Variants in PARD3B observed in about 807,000 individuals in gnomAD.
The protein encoded by PARD3B is par-3 family cell polarity regulator beta, also known as partitioning defective 3 homolog B.
PARD3B carries 103 observed loss-of-function variants against 130.2 expected under a neutral mutation model. The observed-to-expected ratio is 0.79, with a 90% CI of 0.67 to 0.93. PARD3B has a LOEUF of 0.93. PARD3B is among the 40% of genes least tolerant of loss of function. The pLI is 0.00. For synonymous variants in PARD3B, 583 were observed against 553.2 expected, an observed-to-expected ratio of 1.05 and a Z score of -0.76; for missense variants, 1,609 against 1,499.2, an observed-to-expected ratio of 1.07 and a Z score of -1.21.
At chr2:204,911,500 A>T (rs2125725564) in intron 2 of PARD3B, among the ~76,000 whole-genome samples, 1 of 152,326 alleles carries the variant, frequency 6.6e-6, no homozygotes, top group South Asian at 2.1e-4. Flanking sequence ...ATCTTCAATA[A>T]TATGAAAAAT....
At position 205,105,388 on chromosome 2, in the gene PARD3B, A is replaced by G. The variant is rs1291257023; in HGVS notation, c.593+874A>G. Among the ~76,000 whole-genome samples the G allele has an allele frequency of 6.6e-6, 1 of 152,184 alleles. No homozygotes were observed. The highest frequency in any genetic ancestry group is 1.5e-5 in the Non-Finnish European group (1 of 68,034). ...ACGCACTTCAAATTTGGCATAAGGA[A>G]AATAATTTCATATTTAATAGATGGT... On this transcript the variant is annotated intron_variant, in intron 5 of 22. Transcript: ENST00000406610. This position sits in a 1 kb window ranked among gnomAD's most constrained non-coding sequence, Gnocchi z 4.0.
At chr2:205,143,735 A>G (rs2033151133) in intron 10 of PARD3B, among the ~76,000 whole-genome samples, 1 of 152,178 alleles carries the variant, frequency 6.6e-6, no homozygotes, top group South Asian at 2.1e-4. Context: ...ACCTGGCATG[A>G]ACAGTGCAGG....
chr2:205,123,250 C>T (rs1330910419), intron 8 of PARD3B, among the ~76,000 whole-genome samples: 1 of 152,088 alleles, frequency 6.6e-6, no homozygotes, highest in Non-Finnish European at 1.5e-5. Flanking sequence ...TACAGTGATT[C>T]CTGAGGTTTT....
At chr2:205,172,093 C>A in intron 11 of PARD3B, 118 bp from the exon 12 acceptor site, 2 of 979,620 alleles carry the variant, frequency 2.0e-6, no homozygotes, top group Non-Finnish European at 3.0e-6. Context: ...TCACTTCTAA[C>A]AGCTAGGTTT....
chr2:205,192,093 T>C (rs1411615891), intron 14 of PARD3B, among the ~76,000 whole-genome samples: 1 of 152,194 alleles, frequency 6.6e-6, no homozygotes, highest in Non-Finnish European at 1.5e-5. Context: ...AATACTATTA[T>C]TGCTGCATAC....
Position 204,606,018 on chromosome 2 carries a change from T to C in PARD3B, c.120+59899T>C, listed in dbSNP as rs1338343428. Among the ~76,000 whole-genome samples the C allele has an allele frequency of 6.6e-6, 1 of 152,146 alleles. No homozygotes were observed. The highest frequency in any genetic ancestry group is 1.5e-5 in the Non-Finnish European group (1 of 68,032). ...CTTCTCAGTGAAAAGGGATCTTCTC[T>C]CCCTCTCTCCATTGGGACATGATAT... On this transcript the variant is annotated intron_variant, in intron 1 of 22. Transcript: ENST00000406610. The surrounding 1 kb of genome is among the most constrained non-coding windows in gnomAD (Gnocchi z 4.0).
chr2:205,164,715 A>G lies in PARD3B; in HGVS notation c.1620+5808A>G, dbSNP rs542559770. Among the ~76,000 whole-genome samples the G allele has an allele frequency of 2.6e-5, 4 of 152,222 alleles. No homozygotes were observed. The East Asian group carries it at 5.8e-4, about 22-fold the overall frequency. On this transcript the variant is annotated intron_variant, in intron 11 of 22. Coordinates refer to ENST00000406610, the MANE Select transcript of PARD3B (RefSeq NM_001302769.2). ...ATGAAAAAGGAAATTATAATCTACA[A>G]AAGTTGATATAGCATGGTAATGATG...
chr2:205,267,928 G>A (rs1032276497), intron 16 of PARD3B, among the ~76,000 whole-genome samples: 2 of 152,178 alleles, frequency 1.3e-5, no homozygotes, highest in African/African-American at 4.8e-5. Context: ...CTCTAAACCA[G>A]AGGAAGGATG....
At chr2:204,983,264 G>A (rs1692834954) in intron 3 of PARD3B, among the ~76,000 whole-genome samples, 1 of 152,108 alleles carries the variant, frequency 6.6e-6, no homozygotes, top group Non-Finnish European at 1.5e-5. Flanking sequence ...AAAAATTGGT[G>A]TTATTAAGCC....
intron 3 of PARD3B, among the ~76,000 whole-genome samples, chr2:205,014,007 G>A (rs1009622745): frequency 3.9e-5 from 6 of 152,094 alleles, no homozygotes; most frequent in South Asian, 4.1e-4. Flanking sequence ...TCACATTGCC[G>A]ACAGCCCACC....
chr2:205,360,336 A>G (rs115368537), intron 18 of PARD3B, among the ~76,000 whole-genome samples: 236 of 152,148 alleles, frequency 1.6e-3, no homozygotes, highest in African/African-American at 5.5e-3. Context: ...TAAAGCAGAG[A>G]TCTTTCATTT....
Position 205,115,773 on chromosome 2 carries a change from G to C in PARD3B, c.680+2196G>C, listed in dbSNP as rs191422634. On this transcript the variant is annotated intron_variant, in intron 6 of 22. Coordinates refer to ENST00000406610, the MANE Select transcript of PARD3B (RefSeq NM_001302769.2). ...AGTGTCTGACTTCATAATGCCATAT[G>C]GTTTCACTGTGTGAGCACAGGGGCT... Among the ~76,000 whole-genome samples, 185 of 152,214 alleles carry C rather than the reference G, an allele frequency of 1.2e-3. 1 individual carries two copies. Among genetic ancestry groups the C allele is most frequent in the African/African-American group, 4.2e-3 (174 of 41,534 alleles).
At chr2:205,316,396 G>A (rs1019044688) in intron 18 of PARD3B, among the ~76,000 whole-genome samples, 1 of 152,016 alleles carries the variant, frequency 6.6e-6, no homozygotes, top group Non-Finnish European at 1.5e-5. Context: ...CTGGAATGAG[G>A]TTTCTGAACA....
intron 11 of PARD3B, among the ~76,000 whole-genome samples, chr2:205,170,895 T>A (rs1209036795): frequency 6.6e-6 from 1 of 152,138 alleles, no homozygotes; most frequent in East Asian, 1.9e-4. Context: ...TCCCTATTTT[T>A]GTGTTGTGCA....
At chr2:204,708,148 G>T (rs1212948949) in intron 2 of PARD3B, among the ~76,000 whole-genome samples, 2 of 152,070 alleles carry the variant, frequency 1.3e-5, no homozygotes, top group African/African-American at 4.8e-5. Context: ...TAATTATAGA[G>T]ACAGATTTTT....
rs574999593 is a variant in PARD3B, at chr2:204,787,475, G to A, written c.222+101193G>A. On this transcript the variant is annotated intron_variant, in intron 2 of 22. Coordinates refer to ENST00000406610, the MANE Select transcript of PARD3B (RefSeq NM_001302769.2). ...CATTGCCACTGGAGGTGGCAATTCT[G>A]GAAGGCAGTCTATAACTCAGAGTTT... 2.6e-5 allele frequency among the ~76,000 whole-genome samples: 4 copies of A among 152,228 alleles called. No homozygotes were observed. The South Asian group carries it at 6.2e-4, about 24-fold the overall frequency.
In PARD3B at chr2:205,230,575, C is replaced by T. The variant is rs902534586; in HGVS notation, c.2141-15203C>T. Among the ~76,000 whole-genome samples, 5 of 152,128 alleles carry T rather than the reference C, an allele frequency of 3.3e-5. No individual in the cohort carries two copies. Among genetic ancestry groups the T allele is most frequent in the Non-Finnish European group, 5.9e-5 (4 of 68,000 alleles). On this transcript the variant is annotated intron_variant, in intron 15 of 22. Transcript: ENST00000406610. The surrounding 1 kb of genome is among the most constrained non-coding windows in gnomAD (Gnocchi z 4.1). The stretch of plus-strand genomic sequence containing the variant: ...AGAAGGCAGGAGTCTCTCCTGGAGC[C>T]GTGAGCTGCACTGCCTGGGGTTGGG...
chr2:204,695,680 G>A (rs181296106), intron 2 of PARD3B, among the ~76,000 whole-genome samples: 87 of 152,082 alleles, frequency 5.7e-4, no homozygotes, highest in Non-Finnish European at 7.9e-4. Context: ...TTCTTTCCTC[G>A]TGTAGCAGCA....
At chr2:204,840,315 C>A (rs1160213340) in intron 2 of PARD3B, among the ~76,000 whole-genome samples, 1 of 152,022 alleles carries the variant, frequency 6.6e-6, no homozygotes, top group Admixed American at 6.6e-5. Flanking sequence ...TTTAGGAAAA[C>A]TTTTACCTAA....
Sources: gnomAD v4.1 joint callset for allele counts (sites outside exome capture counted in the v4.1 genomes callset) on GRCh38, gnomAD v4.1.1 for gene constraint, Gnocchi (gnomAD v3.1) non-coding constraint, MANE v1.5 for transcripts, NCBI Gene and HGNC (gene_info 2026-07-23, HGNC 2026-07-21) for gene names.